The following PLG variants were observed in gnomAD, a reference collection of about 807,000 sequenced individuals.
PLG encodes plasmin.
PLG carries 41 observed loss-of-function variants against 104.4 expected under a neutral mutation model. The observed-to-expected ratio is 0.39, with a 90% CI of 0.31 to 0.51. PLG has a LOEUF of 0.51. PLG is among the 20% of genes least tolerant of loss of function. PLG has a pLI of 0.76. For synonymous variants in PLG, 337 were observed against 357.1 expected (o/e 0.94, Z 0.63); for missense variants, 891 against 1,003.6 (o/e 0.89, Z 1.52).
chr6:160,745,991 G>A (rs1025371023), intron 17 of PLG, among the ~76,000 whole-genome samples: 5 of 152,192 alleles, frequency 3.3e-5, no homozygotes, highest in African/African-American at 9.7e-5. Flanking sequence ...CAGTTGAGAG[G>A]TATGCTGTTA....
At chr6:160,751,350 G>A (rs887772132) in intron 17 of PLG, among the ~76,000 whole-genome samples, 13 of 152,284 alleles carry the variant, frequency 8.5e-5, no homozygotes, top group South Asian at 4.1e-4. Flanking sequence ...ACCTCCTTAC[G>A]CCTCAGTTTC....
intron 1 of PLG, among the ~76,000 whole-genome samples, chr6:160,704,949 T>C (rs1475494565): frequency 1.3e-5 from 2 of 152,190 alleles, no homozygotes; most frequent in Non-Finnish European, 1.5e-5. Context: ...CGCTCTGCAG[T>C]GTGTCATCTT....
chr6:160,738,403 G>C lies in PLG; in HGVS notation c.1803-135G>C. 1.4e-6 allele frequency: 1 copy of C among 717,062 alleles called. No individual in the cohort carries two copies. Among genetic ancestry groups the C allele is most frequent in the Non-Finnish European group, 2.6e-6 (1 of 389,714 alleles). The allele number at this position is 717,062 out of a possible 1,614,324, so 44.4% of individuals were successfully genotyped here. A position where few individuals can be genotyped will look rare whatever the true frequency, so the allele number is the denominator to read the frequency against. Reference sequence around the variant, plus strand: ...TGGCCAAAATTACTACCATCCTGATGCTGGGCTTGCAGTCCTTTCCTTTGG... The same window carrying C: ...TGGCCAAAATTACTACCATCCTGATCCTGGGCTTGCAGTCCTTTCCTTTGG... On this transcript the variant is annotated intron_variant, in intron 14 of 18. Coordinates refer to ENST00000308192, the MANE Select transcript of PLG (RefSeq NM_000301.5). The surrounding 1 kb of genome is among the most constrained non-coding windows in gnomAD (Gnocchi z 6.8).
chr6:160,709,953 C>A (rs1053543228), intron 3 of PLG, among the ~76,000 whole-genome samples: 3 of 152,120 alleles, frequency 2.0e-5, no homozygotes, highest in African/African-American at 7.2e-5. Flanking sequence ...TACTTGACAC[C>A]TTTTGACGTA....
chr6:160,714,736 T>G, intron 5 of PLG, 58 bp from the exon 6 acceptor site: 1 of 1,582,824 alleles, frequency 6.3e-7, no homozygotes, highest in Non-Finnish European at 8.7e-7. Context: ...CTCTCTATTT[T>G]GCTTCATCCA....
intron 1 of PLG, among the ~76,000 whole-genome samples, chr6:160,705,155 TA>T (rs1222187516): frequency 2.0e-5 from 3 of 152,224 alleles, no homozygotes; most frequent in African/African-American, 7.2e-5. Flanking sequence ...GTCTTCATTT[TA>T]TTAGCCTCTT....
At chr6:160,713,285 T>C (rs931723639) in intron 5 of PLG, 160 bp downstream of exon 5, 118 of 667,686 alleles carry the variant, frequency 1.8e-4, no homozygotes, top group Non-Finnish European at 6.9e-5. Context: ...TTTTTTTTTT[T>C]CTGAGACAGA....
rs1161075522 is a variant in PLG at position 160,723,198 on chromosome 6, G to A, written c.1256+631G>A. 4.2e-5 allele frequency among the ~76,000 whole-genome samples: 6 copies of A among 144,504 alleles called. No individual in the cohort carries two copies. Among genetic ancestry groups the A allele is most frequent in the Non-Finnish European group, 8.9e-5 (6 of 67,732 alleles). The allele number at this position is 144,504 out of a possible 152,430, so 94.8% of individuals were successfully genotyped here. A position where few individuals can be genotyped will look rare whatever the true frequency, so the allele number is the denominator to read the frequency against. ...TATGTATATATATATATTCTGACCT[G>A]TATAAACACAGTGGATCCTGAGCAC... On this transcript the variant is annotated intron_variant, in intron 10 of 18. Coordinates refer to ENST00000308192, the MANE Select transcript of PLG (RefSeq NM_000301.5). The surrounding 1 kb of genome is among the most constrained non-coding windows in gnomAD (Gnocchi z 4.7).
intron 10 of PLG, among the ~76,000 whole-genome samples, chr6:160,727,886 T>G (rs1174502860): frequency 1.3e-5 from 2 of 151,898 alleles, no homozygotes; most frequent in Non-Finnish European, 2.9e-5. Flanking sequence ...ATGTTTGCTC[T>G]CAGTACTTCT....
chr6:160,717,919 C>A (rs561660356), intron 7 of PLG, among the ~76,000 whole-genome samples: 47 of 152,308 alleles, frequency 3.1e-4, no homozygotes, highest in African/African-American at 1.1e-3. Flanking sequence ...CTGCAGCCAT[C>A]CTCCTTAACA....
chr6:160,738,979 T>C lies in PLG; in HGVS notation c.1878-89T>C. On this transcript the variant is annotated intron_variant, in intron 15 of 18. Coordinates refer to ENST00000308192, the MANE Select transcript of PLG (RefSeq NM_000301.5). This position sits in a 1 kb window ranked among gnomAD's most constrained non-coding sequence, Gnocchi z 6.8. Reference sequence around the variant, plus strand: ...GTCACTAATTCTGAGTGGCCAAGGGTGTCAGGGAGACAGCACCAATTTCAT... The same window carrying C: ...GTCACTAATTCTGAGTGGCCAAGGGCGTCAGGGAGACAGCACCAATTTCAT... 6.7e-7 allele frequency: 1 copy of C among 1,489,194 alleles called. No homozygotes were observed. The highest frequency in any genetic ancestry group is 9.4e-7 in the Non-Finnish European group (1 of 1,067,936). 92.2% of individuals were successfully genotyped at this position (1,489,194 alleles called of 1,614,324 possible).
Position 160,707,823 on chromosome 6 carries a change from C to T in PLG, c.292+17C>T. Reference sequence around the variant, plus strand: ...AAAAGAAAGGTGAGTACATTTTCTTCCTCCTCCTCCTACTGTCCTCCCCAT... The same window carrying T: ...AAAAGAAAGGTGAGTACATTTTCTTTCTCCTCCTCCTACTGTCCTCCCCAT... On this transcript the variant is annotated intron_variant, in intron 3 of 18. Coordinates refer to ENST00000308192, the MANE Select transcript of PLG (RefSeq NM_000301.5). The T allele has an allele frequency of 1.3e-6, 2 of 1,535,520 alleles. No homozygotes were observed. Among genetic ancestry groups the T allele is most frequent in the Non-Finnish European group, 1.8e-6 (2 of 1,110,472 alleles).
At position 160,736,881 on chromosome 6, in the gene PLG, C is replaced by T; in HGVS notation, c.1682-6C>T. ...AATGGGATTTCTTTCCCACCTTGTGCCACAGCGGCCCCTTCATTTGATTGT... is the reference window on the plus strand; with the variant it reads ...AATGGGATTTCTTTCCCACCTTGTGTCACAGCGGCCCCTTCATTTGATTGT... On this transcript the variant is annotated splice_polypyrimidine_tract_variant and splice_region_variant and intron_variant, in intron 13 of 18. Transcript: ENST00000308192. This position sits in a 1 kb window ranked among gnomAD's most constrained non-coding sequence, Gnocchi z 5.2. 3.1e-6 allele frequency: 5 copies of T among 1,613,632 alleles called. No homozygotes were observed. The highest frequency in any genetic ancestry group is 4.2e-6 in the Non-Finnish European group (5 of 1,179,704).
chr6:160,714,707 A>G, intron 5 of PLG, 87 bp from the exon 6 acceptor site: 2 of 1,336,620 alleles, frequency 1.5e-6, no homozygotes, highest in African/African-American at 1.4e-5. Flanking sequence ...CACTTAAGTG[A>G]GTAGGATTCT....
Position 160,706,485 on chromosome 6 carries a change from C to A in PLG, c.128C>A (p.Ala43Glu), listed in dbSNP as rs1037059284. 2 of 1,613,758 alleles carry A rather than the reference C, an allele frequency of 1.2e-6. No homozygotes were observed. Among genetic ancestry groups the A allele is most frequent in the Non-Finnish European group, 1.7e-6 (2 of 1,179,720 alleles). The change falls in exon 2 of 19, where the codon GCA becomes GAA. Residue 43 changes from alanine (A) to glutamate (E), a missense_variant. Ala to Glu is a moderately radical substitution (Grantham distance 107). Coordinates refer to ENST00000308192, the MANE Select transcript of PLG (RefSeq NM_000301.5). The stretch of plus-strand genomic sequence containing the variant: ...AGTGTCACTAAGAAGCAGCTGGGAG[C>A]AGGAAGTATAGAAGAATGTGCAGCA... ...LFSVTKKQLGAGSIEECAAKC... is the reference protein window; with the variant it reads ...LFSVTKKQLGEGSIEECAAKC...
chr6:160,722,487 C>G lies in PLG; in HGVS notation c.1176C>G (p.Thr392=). 1.9e-6 allele frequency: 3 copies of G among 1,613,542 alleles called. No homozygotes were observed. In the East Asian group the frequency reaches 6.7e-5, roughly 36 times the overall value. The change falls in exon 10 of 19, where the codon ACC becomes ACG. Residue 392 remains threonine, a synonymous_variant. Coordinates refer to ENST00000308192, the MANE Select transcript of PLG (RefSeq NM_000301.5). ...GQSYRGTSST[T]TTGKKCQSWS... ...GCTACCGAGGCACATCCTCCACCAC[C>G]ACCACAGGAAAGAAGTGTCAGTCTT...
intron 6 of PLG, among the ~76,000 whole-genome samples, chr6:160,716,138 A>G (rs561263870): frequency 3.3e-4 from 50 of 152,380 alleles, no homozygotes; most frequent in Admixed American, 6.5e-4. Context: ...TGGCTCTGTT[A>G]GGTACTAGAT....
rs140404547 is a variant in PLG, at chr6:160,732,690, C to A, written c.1587+797C>A. On this transcript the variant is annotated intron_variant, in intron 12 of 18. Transcript: ENST00000308192. This position sits in a 1 kb window ranked among gnomAD's most constrained non-coding sequence, Gnocchi z 4.5. ...GTGGCTCACAGAACTCAGGGGAACA[C>A]GTTACTTTTATTTACCCATTTGTTA... is the stretch of plus-strand genomic sequence containing the variant. Among the ~76,000 whole-genome samples the A allele has an allele frequency of 6.4e-3, 974 of 152,226 alleles. 16 individuals are homozygous for A. Among genetic ancestry groups the A allele is most frequent in the African/African-American group, 0.022 (915 of 41,530 alleles).
rs1189722643 is a variant in PLG at position 160,706,390 on chromosome 6, G to C, written c.50-17G>C. 1 of 1,612,036 alleles carries C rather than the reference G, an allele frequency of 6.2e-7. No homozygotes were observed. The highest frequency in any genetic ancestry group is 8.5e-7 in the Non-Finnish European group (1 of 1,179,126). On this transcript the variant is annotated splice_polypyrimidine_tract_variant and intron_variant, in intron 1 of 18. Coordinates refer to ENST00000308192, the MANE Select transcript of PLG (RefSeq NM_000301.5). Reference sequence around the variant, plus strand: ...GATTTACTGACCATTTATTCCACTTGGATCTCCCACCTCTAGGTCAAGGAG... The same window carrying C: ...GATTTACTGACCATTTATTCCACTTCGATCTCCCACCTCTAGGTCAAGGAG...
Sources: allele counts gnomAD v4.1 joint callset (sites outside exome capture counted in the v4.1 genomes callset), GRCh38; gene constraint gnomAD v4.1.1; non-coding constraint Gnocchi (gnomAD v3.1); transcripts MANE v1.5; gene names NCBI Gene and HGNC (gene_info 2026-07-23, HGNC 2026-07-21).